Variants in ZNF215 observed in about 807,000 individuals in gnomAD.
ZNF215 encodes zinc finger protein 215, also known as BWSCR2-associated zinc finger protein 2.
A neutral mutation model predicts 27.2 loss-of-function variants in ZNF215; 24 were observed. The observed-to-expected ratio is 0.88, with a 90% CI of 0.64 to 1.24. The LOEUF is 1.24. ZNF215 is among the 50% of genes most tolerant of loss of function. The pLI, the probability that ZNF215 is intolerant of heterozygous loss-of-function variation, is 0.00. For missense variants in ZNF215, 675 were observed against 605.7 expected (o/e 1.11, Z -1.20); for synonymous variants, 210 against 204.0 (o/e 1.03, Z -0.25).
downstream of ZNF215, chr11:6,958,137 A>T: frequency 1.1e-6 from 1 of 927,040 alleles, no homozygotes; most frequent in South Asian, 5.0e-5. Context: ...TAAACAAGAG[A>T]TAACTTGTAG....
chr11:6,987,063 T>C (rs1564980539), downstream of ZNF215, among the ~76,000 whole-genome samples: 2 of 152,154 alleles, frequency 1.3e-5, no homozygotes, highest in Non-Finnish European at 2.9e-5. Context: ...TAAATCATTT[T>C]ATCAAAACGA....
At chr11:6,934,032 C>T (rs1248488380) in intron 3 of ZNF215, among the ~76,000 whole-genome samples, 1 of 151,946 alleles carries the variant, frequency 6.6e-6, no homozygotes, top group Non-Finnish European at 1.5e-5. Flanking sequence ...GACATGAGGC[C>T]ATGAACTGGA....
chr11:6,927,586 C>T (rs1564939186), intron 1 of ZNF215, 76 bp from the exon 2 acceptor site: 1 of 152,246 alleles, frequency 6.6e-6, no homozygotes, highest in African/African-American at 2.4e-5. Flanking sequence ...AATCCTGAAT[C>T]CCACCTTTAT....
At chr11:6,972,968 AC>A (rs1190460515) in intron 5 of ZNF215, among the ~76,000 whole-genome samples, 1 of 152,050 alleles carries the variant, frequency 6.6e-6, no homozygotes, top group Non-Finnish European at 1.5e-5. Flanking sequence ...CAGGTTTGTT[AC>A]ATGTGTATAC....
At chr11:6,992,285 T>G (rs961419314), downstream of ZNF215, among the ~76,000 whole-genome samples, 3 of 152,066 alleles carry the variant, frequency 2.0e-5, no homozygotes, top group Non-Finnish European at 4.4e-5. Context: ...TGTGAGCAAA[T>G]AAAATGGTTG....
At chr11:6,975,866 A>G (rs1403420651) in intron 5 of ZNF215, among the ~76,000 whole-genome samples, 7 of 152,102 alleles carry the variant, frequency 4.6e-5, no homozygotes, top group Admixed American at 1.3e-4. Context: ...TACATATCCA[A>G]CAGTAGGATT....
chr11:6,931,779 G>A (rs914510752), intron 2 of ZNF215, among the ~76,000 whole-genome samples: 1 of 152,116 alleles, frequency 6.6e-6, no homozygotes, highest in African/African-American at 2.4e-5. Flanking sequence ...GAAGATTTGT[G>A]TTGCTTAATT....
rs1344720068 is a variant in ZNF215 at position 6,932,276 on chromosome 11, C to A, written c.4C>A (p.Gln2Lys). M[Q>K]PLSKLMAISK... ...TGTGGGAGTTCTATTTAGGAAGATG[C>A]AGCCTCTGAGCAAGTTGATGGCTAT... is the stretch of plus-strand genomic sequence containing the variant. Residue 2 changes from glutamine to lysine, a missense_variant, in exon 3 of 7, where the codon CAG becomes AAG. Transcript: ENST00000278319. 3 of 1,612,380 alleles carry A rather than the reference C, an allele frequency of 1.9e-6. No homozygotes were observed. Among genetic ancestry groups the A allele is most frequent in the Admixed American group, 1.7e-5 (1 of 59,740 alleles).
At chr11:6,985,441 T>C (rs571792394), downstream of ZNF215, among the ~76,000 whole-genome samples, 2 of 152,256 alleles carry the variant, frequency 1.3e-5, no homozygotes, top group East Asian at 1.9e-4. Context: ...AACATTGTAC[T>C]AAACAGGCAA....
chr11:6,950,621 G>A (rs1850016267), intron 6 of ZNF215, among the ~76,000 whole-genome samples: 1 of 151,192 alleles, frequency 6.6e-6, no homozygotes, highest in Admixed American at 6.6e-5. Context: ...ATCAGCTTAA[G>A]GAGATTTTGG....
At chr11:6,983,785 T>G (rs1398919426) in intron 5 of ZNF215, among the ~76,000 whole-genome samples, 1 of 152,096 alleles carries the variant, frequency 6.6e-6, no homozygotes, top group Non-Finnish European at 1.5e-5. Flanking sequence ...AAGGAAGTGC[T>G]AATATCTCTA....
rs139038389 is a variant in ZNF215, at chr11:6,932,652, T to C, written c.380T>C (p.Ile127Thr). 85 of 1,609,412 alleles carry C rather than the reference T, an allele frequency of 5.3e-5. No homozygotes were observed. In the African/African-American group the frequency reaches 9.2e-4, roughly 17 times the overall value. ...KDMVTLIEDVIEMLEDEDMPC... is the reference protein window; with the variant it reads ...KDMVTLIEDVTEMLEDEDMPC... The stretch of plus-strand genomic sequence containing the variant: ...ATGGTGACCCTCATAGAAGATGTGA[T>C]TGAAATGCTTGAAGATGAAGGTAAG... Residue 127 changes from isoleucine (I) to threonine (T), a missense_variant, in exon 3 of 7, where the codon ATT becomes ACT. Coordinates refer to ENST00000278319, the MANE Select transcript of ZNF215 (RefSeq NM_013250.4).
At chr11:6,958,534 G>A (rs531589622), downstream of ZNF215, among the ~76,000 whole-genome samples, 27 of 148,716 alleles carry the variant, frequency 1.8e-4, no homozygotes, top group African/African-American at 5.8e-4. Context: ...ACATCTTCTC[G>A]CAGCCTTGTT....
At chr11:6,943,253 A>C (rs1387940442) in intron 5 of ZNF215, 38 bp downstream of exon 5, 1 of 1,583,192 alleles carries the variant, frequency 6.3e-7, no homozygotes. Flanking sequence ...TCCATTTAGT[A>C]ATCTCTTCCT....
chr11:6,952,407 T>C (rs1850110285), intron 6 of ZNF215, among the ~76,000 whole-genome samples: 1 of 152,184 alleles, frequency 6.6e-6, no homozygotes, highest in African/African-American at 2.4e-5. Context: ...GCTTTATGAA[T>C]CTGGGTGCTC....
downstream of ZNF215, among the ~76,000 whole-genome samples, chr11:6,985,161 CA>C (rs1330654098): frequency 6.6e-6 from 1 of 152,150 alleles, no homozygotes; most frequent in Non-Finnish European, 1.5e-5. Context: ...AAAATACTAA[CA>C]AACCAAATCC....
chr11:6,958,775 C>A (rs571261851), downstream of ZNF215, among the ~76,000 whole-genome samples: 1 of 152,172 alleles, frequency 6.6e-6, no homozygotes, highest in Admixed American at 6.5e-5. Context: ...GACAGCGCAG[C>A]CTTCAGTCTG....
chr11:6,931,511 C>G (rs535441533), intron 2 of ZNF215, among the ~76,000 whole-genome samples: 1 of 152,144 alleles, frequency 6.6e-6, no homozygotes, highest in East Asian at 1.9e-4. Context: ...CCTAAGACAT[C>G]CCTGGTGGGC....
intron 2 of ZNF215, among the ~76,000 whole-genome samples, chr11:6,929,854 G>A (rs1378377862): frequency 6.6e-6 from 1 of 151,764 alleles, no homozygotes; most frequent in Non-Finnish European, 1.5e-5. Flanking sequence ...GGGGAGTTAT[G>A]CTGTACCTCG....
Sources: allele counts gnomAD v4.1 joint callset (sites outside exome capture counted in the v4.1 genomes callset), GRCh38; gene constraint gnomAD v4.1.1; transcripts MANE v1.5; gene names NCBI Gene and HGNC (gene_info 2026-07-23, HGNC 2026-07-21).